Variants in RHPN2 observed in about 807,000 individuals in gnomAD.
The protein encoded by RHPN2 is rhophilin-2.
A neutral mutation model predicts 79.0 loss-of-function variants in RHPN2; 40 were observed. That is an observed-to-expected ratio of 0.51 (90% CI 0.39 to 0.66). The LOEUF is 0.66. Among genes scored for constraint, RHPN2 ranks in the 30% least tolerant of loss-of-function variants. The probability of loss-of-function intolerance (pLI) is 0.00; values close to 1 mark genes in which losing one functional copy is unlikely to be tolerated. For synonymous variants in RHPN2, 285 were observed against 363.5 expected (o/e 0.78, Z 2.46); for missense variants, 686 against 883.5 (o/e 0.78, Z 2.83).
intron 1 of RHPN2, among the ~76,000 whole-genome samples, chr19:33,062,711 T>G (rs1412986892): frequency 6.6e-6 from 1 of 151,138 alleles, no homozygotes; most frequent in Non-Finnish European, 1.5e-5. Flanking sequence ...GAGGTTGCAG[T>G]GAGCCGAAAT....
At chr19:33,043,318 A>G (rs1050813744) in intron 2 of RHPN2, among the ~76,000 whole-genome samples, 3 of 152,156 alleles carry the variant, frequency 2.0e-5, no homozygotes, top group Admixed American at 2.0e-4. Flanking sequence ...TGCGAGGTGG[A>G]GGCAGACGGA....
intron 2 of RHPN2, among the ~76,000 whole-genome samples, chr19:33,042,282 C>T (rs1972106684): frequency 6.6e-6 from 1 of 152,190 alleles, no homozygotes; most frequent in Non-Finnish European, 1.5e-5. Context: ...AGGCTGCCCA[C>T]CTGCCCCCTT....
In RHPN2 at chr19:33,064,863, C is replaced by G. The variant is rs1197343583; in HGVS notation, c.-11G>C. 8.0e-6 allele frequency: 12 copies of G among 1,492,680 alleles called. No individual in the cohort carries two copies. Among genetic ancestry groups the G allele is most frequent in the Non-Finnish European group, 1.1e-5 (12 of 1,126,968 alleles). The allele number at this position is 1,492,680 out of a possible 1,614,324, so 92.5% of individuals were successfully genotyped here. ...CAGCGCGTCGGTCATGCTAGCGGCG[C>G]GGGCGCGGAGGGCGGACGGCGGACT... On this transcript the variant is annotated 5_prime_UTR_variant, in exon 1 of 15. Transcript: ENST00000254260.
intron 3 of RHPN2, among the ~76,000 whole-genome samples, chr19:33,023,823 G>A (rs8109126): frequency 0.062 from 9,362 of 151,538 alleles, 541 homozygotes; most frequent in African/African-American, 0.16. Context: ...ACAGAAGAGC[G>A]CAGGACCCAA....
chr19:32,981,434 A>C (rs866345725), intron 14 of RHPN2, among the ~76,000 whole-genome samples: 1 of 48,760 alleles, frequency 2.1e-5, no homozygotes, highest in Non-Finnish European at 3.6e-5. Flanking sequence ...GGGCGGGGGG[A>C]AGGGAAGAGG....
chr19:33,015,643 T>C (rs942980692), intron 4 of RHPN2, among the ~76,000 whole-genome samples: 15 of 152,182 alleles, frequency 9.9e-5, no homozygotes, highest in Non-Finnish European at 1.9e-4. Context: ...GAAACATTAC[T>C]AAATTAATAA....
At position 33,064,764 on chromosome 19, in the gene RHPN2, GCCCGCCCGAAGCCGCCCA is replaced by G; in HGVS notation, c.69+2_69+19del. 3.5e-6 allele frequency: 2 copies of G among 568,468 alleles called. No homozygotes were observed. Among genetic ancestry groups the G allele is most frequent in the Non-Finnish European group, 4.8e-6 (2 of 413,826 alleles). 35.2% of individuals were successfully genotyped at this position (568,468 alleles called of 1,614,324 possible). On this transcript the variant is annotated splice_donor_variant and splice_donor_5th_base_variant and intron_variant, in intron 1 of 14. Coordinates refer to ENST00000254260, the MANE Select transcript of RHPN2 (RefSeq NM_033103.5). LOFTEE classifies it high-confidence loss of function. ...GTCTGGAGCCCGCAGGTCCCCGCCCGCCCGCCCGAAGCCGCCCACCTTCCGAAAGTAGCCGTCGTTCTC... is the reference window on the plus strand; with the variant it reads ...GTCTGGAGCCCGCAGGTCCCCGCCCGCCTTCCGAAAGTAGCCGTCGTTCTC...
At chr19:33,008,695 G>A (rs374008747) in intron 6 of RHPN2, among the ~76,000 whole-genome samples, 1 of 152,046 alleles carries the variant, frequency 6.6e-6, no homozygotes, top group East Asian at 1.9e-4. Flanking sequence ...ACTTGAACCC[G>A]AGAGGCGGAG....
rs146289171 is a variant in RHPN2 at position 33,051,350 on chromosome 19, C to T, written c.70-6986G>A. Among the ~76,000 whole-genome samples the T allele has an allele frequency of 9.6e-3, 1,464 of 152,256 alleles. 16 individuals are homozygous for T. Among genetic ancestry groups the T allele is most frequent in the Non-Finnish European group, 0.013 (899 of 68,026 alleles). On this transcript the variant is annotated intron_variant, in intron 1 of 14. Transcript: ENST00000254260. The stretch of plus-strand genomic sequence containing the variant: ...GCCCTTAATGTACAGTCAGATTGTT[C>T]ACCTGTAAGACACGTATTTAAGAGC...
chr19:33,050,048 A>C (rs76910971), intron 1 of RHPN2, among the ~76,000 whole-genome samples: 3,797 of 152,208 alleles, frequency 0.025, 153 homozygotes, highest in African/African-American at 0.087. Flanking sequence ...GTGTAAATCC[A>C]TGCTCCCCCA....
intron 1 of RHPN2, among the ~76,000 whole-genome samples, chr19:33,055,966 G>A (rs1777632635): frequency 6.6e-6 from 1 of 152,054 alleles, no homozygotes; most frequent in South Asian, 2.1e-4. Context: ...AAGAGGCAGA[G>A]ATAAGAAGTG....
At chr19:33,031,184 G>T (rs1214249795) in intron 2 of RHPN2, among the ~76,000 whole-genome samples, 1 of 146,920 alleles carries the variant, frequency 6.8e-6, no homozygotes, top group South Asian at 2.2e-4. Flanking sequence ...GAACCTCATC[G>T]TTCAGAATTT....
chr19:32,987,508 C>T (rs1367484469), intron 14 of RHPN2, among the ~76,000 whole-genome samples: 1 of 152,198 alleles, frequency 6.6e-6, no homozygotes, highest in East Asian at 1.9e-4. Flanking sequence ...CACTCAACTG[C>T]ATTCAATGCA....
At chr19:32,981,738 G>C (rs1304306703) in intron 14 of RHPN2, among the ~76,000 whole-genome samples, 1 of 122,382 alleles carries the variant, frequency 8.2e-6, no homozygotes, top group African/African-American at 3.2e-5. Context: ...ATGGAGTCTC[G>C]CTCTGTCGCC....
At chr19:33,021,339 A>G (rs955434153) in intron 4 of RHPN2, among the ~76,000 whole-genome samples, 4 of 152,146 alleles carry the variant, frequency 2.6e-5, no homozygotes, top group Non-Finnish European at 2.9e-5. Flanking sequence ...CAAGGGATAC[A>G]TATTTTCTCT....
chr19:33,003,793 G>C (rs2145232544), intron 7 of RHPN2, among the ~76,000 whole-genome samples: 1 of 152,242 alleles, frequency 6.6e-6, no homozygotes, highest in African/African-American at 2.4e-5. Flanking sequence ...AAATAGAAAG[G>C]AGAATAGAGG....
rs1272034443 is a variant in RHPN2 at position 32,999,636 on chromosome 19, C to T, written c.1175G>A (p.Gly392Glu). The T allele has an allele frequency of 1.2e-6, 2 of 1,613,284 alleles. No individual in the cohort carries two copies. Among genetic ancestry groups the T allele is most frequent in the Non-Finnish European group, 1.7e-6 (2 of 1,179,480 alleles). The change falls in exon 10 of 15, where the codon GGG becomes GAG. Residue 392 changes from glycine (G) to glutamate (E), a missense_variant. Physicochemically the swap from Gly to Glu is moderately conservative, Grantham distance 98. Transcript: ENST00000254260. ...CTTCAGTGTGGCCAAGGGTGTCAGCCCCTCTGGCATGTGGTCGTAGAGCTG... is the reference window on the plus strand; with the variant it reads ...CTTCAGTGTGGCCAAGGGTGTCAGCTCCTCTGGCATGTGGTCGTAGAGCTG... ...LSQLYDHMPE[G>E]LTPLATLKND...
At position 32,991,275 on chromosome 19, in the gene RHPN2, G is replaced by A. The variant is rs188019456; in HGVS notation, c.1644+548C>T. 2.0e-3 allele frequency: 387 copies of A among 191,372 alleles called. 1 individual carries two copies. The highest frequency in any genetic ancestry group is 3.5e-3 in the Non-Finnish European group (319 of 91,730). The allele number at this position is 191,372 out of a possible 1,614,324, so 11.9% of individuals were successfully genotyped here. ...GATCGAAACCATCCTGGCTAACACAGTGAAACCCCGTCTCTACTAAAAACA... is the reference window on the plus strand; with the variant it reads ...GATCGAAACCATCCTGGCTAACACAATGAAACCCCGTCTCTACTAAAAACA... On this transcript the variant is annotated intron_variant, in intron 13 of 14. Transcript: ENST00000254260.
At chr19:32,992,434 G>A (rs1205144787) in intron 12 of RHPN2, among the ~76,000 whole-genome samples, 6 of 151,814 alleles carry the variant, frequency 4.0e-5, no homozygotes, top group Admixed American at 3.3e-4. Flanking sequence ...CAGGTGATCC[G>A]CCCGCCTCAG....
Sources: gnomAD v4.1 joint callset for allele counts (sites outside exome capture counted in the v4.1 genomes callset) on GRCh38, gnomAD v4.1.1 for gene constraint, MANE v1.5 for transcripts, NCBI Gene and HGNC (gene_info 2026-07-23, HGNC 2026-07-21) for gene names.